Variants in ARID5B observed in about 807,000 individuals in gnomAD.
The protein encoded by ARID5B is AT-rich interactive domain-containing protein 5B.
ARID5B carries 13 observed loss-of-function variants against 97.2 expected under a neutral mutation model. That is an observed-to-expected ratio of 0.13 (90% CI 0.09 to 0.21). ARID5B has a LOEUF of 0.21. Among genes scored for constraint, ARID5B ranks in the 10% least tolerant of loss-of-function variants. The pLI is 1.00. For synonymous variants in ARID5B, 556 were observed against 570.3 expected (o/e 0.97, Z 0.36); for missense variants, 1,210 against 1,465.3 (o/e 0.83, Z 2.84).
rs192138448 is a variant in ARID5B at position 61,939,492 on chromosome 10, T to C, written c.277-691T>C. Among the ~76,000 whole-genome samples the C allele has an allele frequency of 8.5e-5, 13 of 152,302 alleles. No individual in the cohort carries two copies. The East Asian group carries it at 2.1e-3, about 25-fold the overall frequency. On this transcript the variant is annotated intron_variant, in intron 2 of 9. Coordinates refer to ENST00000279873, the MANE Select transcript of ARID5B (RefSeq NM_032199.3). The stretch of plus-strand genomic sequence containing the variant: ...CTACTTTTCTTAAATTCAAAGACTT[T>C]TTCCTCACTCACCCTCTCACCCTCT...
intron 3 of ARID5B, among the ~76,000 whole-genome samples, chr10:61,959,559 A>C (rs1342451186): frequency 6.6e-6 from 1 of 152,196 alleles, no homozygotes; most frequent in Non-Finnish European, 1.5e-5. Flanking sequence ...ATTTTTGTGG[A>C]GATGCTACCC....
intron 3 of ARID5B, among the ~76,000 whole-genome samples, chr10:61,996,320 G>A (rs968099296): frequency 3.9e-5 from 6 of 151,912 alleles, no homozygotes; most frequent in South Asian, 2.1e-4. Flanking sequence ...CACCATCCTC[G>A]TCCCTAATAG....
At chr10:61,979,158 C>T (rs970947674) in intron 3 of ARID5B, among the ~76,000 whole-genome samples, 1 of 152,174 alleles carries the variant, frequency 6.6e-6, no homozygotes, top group Non-Finnish European at 1.5e-5. Context: ...TGCACCCAAA[C>T]CTCTGCAGCA....
chr10:61,909,064 A>T (rs1312549214), intron 2 of ARID5B, among the ~76,000 whole-genome samples: 2 of 152,198 alleles, frequency 1.3e-5, no homozygotes, highest in Non-Finnish European at 2.9e-5. Flanking sequence ...TATGTGCCAG[A>T]TCCTATTCTA....
chr10:62,094,233 G>A lies in ARID5B; in HGVS notation c.*1203G>A, dbSNP rs765107649. ...ATTCCTTTAAATGGTCTGGGAAAGG[G>A]GGTTGGGAAGAGGATGGAGCTCAAC... On this transcript the variant is annotated 3_prime_UTR_variant, in exon 10 of 10. Coordinates refer to ENST00000279873, the MANE Select transcript of ARID5B (RefSeq NM_032199.3). 4.3e-6 allele frequency: 1 copy of A among 232,010 alleles called. No homozygotes were observed. Among genetic ancestry groups the A allele is most frequent in the African/African-American group, 2.2e-5 (1 of 45,268 alleles). The allele number at this position is 232,010 out of a possible 1,614,324, so 14.4% of individuals were successfully genotyped here. A position where few individuals can be genotyped will look rare whatever the true frequency, so the allele number is the denominator to read the frequency against.
chr10:61,954,286 G>T (rs557817586), intron 3 of ARID5B, among the ~76,000 whole-genome samples: 1 of 152,062 alleles, frequency 6.6e-6, no homozygotes, highest in East Asian at 1.9e-4. Flanking sequence ...GAACCTGGGG[G>T]GTGGGGGTTG....
chr10:61,930,539 T>C (rs936179570), intron 2 of ARID5B, among the ~76,000 whole-genome samples: 1 of 151,544 alleles, frequency 6.6e-6, no homozygotes, highest in African/African-American at 2.4e-5. Context: ...GCTAACACGG[T>C]GAAACTCCGT....
At chr10:61,978,361 G>A (rs527961187) in intron 3 of ARID5B, among the ~76,000 whole-genome samples, 5 of 152,250 alleles carry the variant, frequency 3.3e-5, no homozygotes, top group Admixed American at 2.6e-4. Context: ...TTGGTTCCAT[G>A]TGAACTTTAA....
At chr10:62,017,070 G>C (rs577598010) in intron 4 of ARID5B, among the ~76,000 whole-genome samples, 1 of 152,156 alleles carries the variant, frequency 6.6e-6, no homozygotes, top group Non-Finnish European at 1.5e-5. Flanking sequence ...AGGACACCAC[G>C]TAAGGGGAAG....
chr10:62,072,049 A>G (rs2132957576), intron 8 of ARID5B, among the ~76,000 whole-genome samples: 1 of 152,330 alleles, frequency 6.6e-6, no homozygotes, highest in South Asian at 2.1e-4. Context: ...TAAGTTCCCT[A>G]GGGTGACAGA....
Position 62,000,338 on chromosome 10 carries a change from T to G in ARID5B, c.733+17T>G, listed in dbSNP as rs1839059589. On this transcript the variant is annotated intron_variant, in intron 4 of 9. Transcript: ENST00000279873. The surrounding 1 kb of genome is among the most constrained non-coding windows in gnomAD (Gnocchi z 4.4). Reference sequence around the variant, plus strand: ...ATGAGTTTGGTGAGTCTTTTTTTTTTTTTCCTACCTGATTCTTGTGCGTGT... The same window carrying G: ...ATGAGTTTGGTGAGTCTTTTTTTTTGTTTCCTACCTGATTCTTGTGCGTGT... The G allele has an allele frequency of 1.9e-6, 3 of 1,565,548 alleles. No individual in the cohort carries two copies. Among genetic ancestry groups the G allele is most frequent in the African/African-American group, 2.7e-5 (2 of 73,366 alleles).
At chr10:61,941,404 C>T (rs1162989645) in intron 3 of ARID5B, among the ~76,000 whole-genome samples, 1 of 151,286 alleles carries the variant, frequency 6.6e-6, no homozygotes, top group Non-Finnish European at 1.5e-5. Flanking sequence ...GTTATTTCCT[C>T]TTTAGGCAAA....
chr10:61,958,969 A>C (rs1838432513), intron 3 of ARID5B, among the ~76,000 whole-genome samples: 1 of 152,214 alleles, frequency 6.6e-6, no homozygotes, highest in South Asian at 2.1e-4. Context: ...AATTATGAAG[A>C]CTGTCCAGGC....
intron 6 of ARID5B, among the ~76,000 whole-genome samples, chr10:62,058,054 A>G (rs1839879373): frequency 6.6e-6 from 1 of 152,218 alleles, no homozygotes; most frequent in South Asian, 2.1e-4. Context: ...GTATCTTCGT[A>G]GATTAAAACC....
chr10:61,947,692 G>T (rs929594013), intron 3 of ARID5B, among the ~76,000 whole-genome samples: 1 of 152,172 alleles, frequency 6.6e-6, no homozygotes, highest in African/African-American at 2.4e-5. Context: ...ATATTGCCTT[G>T]TAATAGTGGT....
At chr10:62,024,837 G>A (rs1589262897) in intron 4 of ARID5B, 1 of 368,884 alleles carries the variant, frequency 2.7e-6, no homozygotes, top group Non-Finnish European at 4.8e-6. Context: ...GAAATGGCTT[G>A]GAAAGAACTT....
chr10:62,085,249 A>G (rs778096875), intron 8 of ARID5B, among the ~76,000 whole-genome samples: 2 of 152,274 alleles, frequency 1.3e-5, no homozygotes, highest in Non-Finnish European at 2.9e-5. Context: ...CTACTAGAAT[A>G]TAAGCTTCAT....
At chr10:62,075,441 A>T (rs909080776) in intron 8 of ARID5B, among the ~76,000 whole-genome samples, 1 of 152,218 alleles carries the variant, frequency 6.6e-6, no homozygotes, top group Non-Finnish European at 1.5e-5. Flanking sequence ...AGCGCCCTGC[A>T]GTGGGAGGGC....
intron 4 of ARID5B, among the ~76,000 whole-genome samples, chr10:62,037,815 G>C (rs1839585313): frequency 6.6e-6 from 1 of 152,166 alleles, no homozygotes; most frequent in African/African-American, 2.4e-5. Flanking sequence ...TAATTTTATA[G>C]TAAAATTACT....
Sources: gnomAD v4.1 joint callset for allele counts (sites outside exome capture counted in the v4.1 genomes callset) on GRCh38, gnomAD v4.1.1 for gene constraint, Gnocchi (gnomAD v3.1) non-coding constraint, MANE v1.5 for transcripts, NCBI Gene and HGNC (gene_info 2026-07-23, HGNC 2026-07-21) for gene names.